MC2R: variants seen among roughly 807,000 people sequenced by gnomAD.
MC2R encodes adrenocorticotropic hormone receptor.
Under a neutral mutation model 9.8 loss-of-function variants are expected in MC2R, and 9 were observed. The observed-to-expected ratio is 0.92, with a 90% CI of 0.55 to 1.60. The LOEUF (loss-of-function observed/expected upper bound fraction) is 1.60. MC2R is among the 40% of genes most tolerant of loss of function. The pLI, the probability that MC2R is intolerant of heterozygous loss-of-function variation, is 0.00. For missense variants in MC2R, 370 were observed against 389.0 expected (o/e 0.95, Z 0.41); for synonymous variants, 185 against 154.7 (o/e 1.20, Z -1.45).
Position 13,883,128 on chromosome 18 carries a change from T to G in MC2R, c.*1497A>C, listed in dbSNP as rs2045243631. On this transcript the variant is annotated 3_prime_UTR_variant, in exon 2 of 2. Coordinates refer to ENST00000327606, the MANE Select transcript of MC2R (RefSeq NM_000529.2). ...GTGGCTGTCTTCTCCCCTCAGCAGC[T>G]CTGGGAAATTCTCCTGAGGGCAAAG... The G allele has an allele frequency of 1.3e-5, 2 of 152,282 alleles. No individual in the cohort carries two copies. Among genetic ancestry groups the G allele is most frequent in the Non-Finnish European group, 2.9e-5 (2 of 68,110 alleles). The allele number at this position is 152,282 out of a possible 1,614,324, so 9.4% of individuals were successfully genotyped here. A position where few individuals can be genotyped will look rare whatever the true frequency, so the allele number is the denominator to read the frequency against.
chr18:13,888,369 C>T (rs2045290395), intron 1 of MC2R, among the ~76,000 whole-genome samples: 1 of 152,206 alleles, frequency 6.6e-6, no homozygotes, highest in Non-Finnish European at 1.5e-5. Flanking sequence ...TGGCCCCATT[C>T]TTGGTTGAAG....
intron 1 of MC2R, among the ~76,000 whole-genome samples, chr18:13,899,441 A>G (rs2045365720): frequency 6.6e-6 from 1 of 152,218 alleles, no homozygotes; most frequent in African/African-American, 2.4e-5. Context: ...ATAAGGGTAG[A>G]AAATTTATTT....
chr18:13,887,902 C>T (rs2149135953), intron 1 of MC2R, among the ~76,000 whole-genome samples: 1 of 152,130 alleles, frequency 6.6e-6, no homozygotes, highest in East Asian at 1.9e-4. Context: ...GTGCCAATTC[C>T]TTATAGTAAA....
intron 1 of MC2R, among the ~76,000 whole-genome samples, chr18:13,892,423 C>A (rs895385087): frequency 6.6e-6 from 1 of 151,148 alleles, no homozygotes; most frequent in Non-Finnish European, 1.5e-5. Flanking sequence ...GAGGGCCTAC[C>A]CGTCCCTCCC....
intron 1 of MC2R, among the ~76,000 whole-genome samples, chr18:13,914,279 C>A (rs1053078082): frequency 1.3e-5 from 2 of 152,184 alleles, no homozygotes; most frequent in African/African-American, 4.8e-5. Flanking sequence ...CGTCTCCCTG[C>A]TCCCACAGCT....
intron 1 of MC2R, among the ~76,000 whole-genome samples, chr18:13,898,404 A>G (rs1166756865): frequency 6.6e-6 from 1 of 152,192 alleles, no homozygotes; most frequent in East Asian, 1.9e-4. Context: ...CTAGTCCCTG[A>G]CACCTGGATA....
rs890399119 is a variant in MC2R at position 13,895,781 on chromosome 18, T to C, written c.-128-10135A>G. On this transcript the variant is annotated intron_variant, in intron 1 of 1. Transcript: ENST00000327606. ...ATGTGGGACTGAAAGTGCAGGGGAC[T>C]AGGAGCTGAAATACCACTGGCACTA... 1.2e-4 allele frequency among the ~76,000 whole-genome samples: 19 copies of C among 152,206 alleles called. 1 individual carries two copies. In the South Asian group the frequency reaches 1.9e-3, roughly 15 times the overall value.
rs1218601824 is a variant in MC2R at position 13,882,572 on chromosome 18, G to C, written c.*2053C>G. The C allele has an allele frequency of 1.3e-5, 2 of 152,222 alleles. No homozygotes were observed. Among genetic ancestry groups the C allele is most frequent in the Non-Finnish European group, 2.9e-5 (2 of 68,042 alleles). 9.4% of individuals were successfully genotyped at this position (152,222 alleles called of 1,614,324 possible). On this transcript the variant is annotated 3_prime_UTR_variant, in exon 2 of 2. Coordinates refer to ENST00000327606, the MANE Select transcript of MC2R (RefSeq NM_000529.2). ...GTCACATGCACAGCAGAGAGCTTGA[G>C]AGTGATTAGGAGACAGCAAAGCTGT...
chr18:13,901,200 A>G (rs2045377917), intron 1 of MC2R, among the ~76,000 whole-genome samples: 1 of 152,138 alleles, frequency 6.6e-6, no homozygotes, highest in South Asian at 2.1e-4. Flanking sequence ...ACAAATGATA[A>G]TGCAAATACA....
At chr18:13,905,839 C>T (rs564894392) in intron 1 of MC2R, among the ~76,000 whole-genome samples, 178 of 151,982 alleles carry the variant, frequency 1.2e-3, no homozygotes, top group African/African-American at 4.0e-3. Flanking sequence ...GGGTGGATCA[C>T]GATGCCAAGA....
In MC2R at chr18:13,882,495, A is replaced by G. The variant is rs1276570961; in HGVS notation, c.*2130T>C. The G allele has an allele frequency of 3.3e-5, 5 of 152,222 alleles. No homozygotes were observed. The highest frequency in any genetic ancestry group is 7.3e-5 in the Non-Finnish European group (5 of 68,042). 9.4% of individuals were successfully genotyped at this position (152,222 alleles called of 1,614,324 possible). On this transcript the variant is annotated 3_prime_UTR_variant, in exon 2 of 2. Transcript: ENST00000327606. ...TTTGTTTCTTAGATTAACTGCAACA[A>G]ATCAAAGGCAGTGAGAGGTGAAGTT...
intron 1 of MC2R, among the ~76,000 whole-genome samples, chr18:13,908,985 C>T (rs2045429596): frequency 6.6e-6 from 1 of 152,118 alleles, no homozygotes; most frequent in South Asian, 2.1e-4. Flanking sequence ...CCAATATTGA[C>T]ACACTGTTAT....
chr18:13,897,123 G>C (rs1289804862), intron 1 of MC2R, among the ~76,000 whole-genome samples: 1 of 152,188 alleles, frequency 6.6e-6, no homozygotes, highest in Non-Finnish European at 1.5e-5. Context: ...TGAAGTGGTA[G>C]AGAAAACAGT....
intron 1 of MC2R, among the ~76,000 whole-genome samples, chr18:13,890,171 A>T (rs2045307456): frequency 6.6e-6 from 1 of 152,234 alleles, no homozygotes; most frequent in African/African-American, 2.4e-5. Context: ...TTTAGAGAAC[A>T]GCAAGACCTG....
At chr18:13,893,287 A>G (rs556546931) in intron 1 of MC2R, among the ~76,000 whole-genome samples, 16 of 152,322 alleles carry the variant, frequency 1.1e-4, no homozygotes, top group African/African-American at 3.4e-4. Context: ...GGGTGGCGAG[A>G]TGGCTAATAT....
Position 13,898,009 on chromosome 18 carries a change from G to C in MC2R, c.-128-12363C>G, listed in dbSNP as rs114913924. The stretch of plus-strand genomic sequence containing the variant: ...GAAAAGCTGAGGGAAAAGTACAGGG[G>C]ACTTTGTCTTGCACCTTAGGTACCA... On this transcript the variant is annotated intron_variant, in intron 1 of 1. Transcript: ENST00000327606. 6.4e-3 allele frequency among the ~76,000 whole-genome samples: 972 copies of C among 152,080 alleles called. 10 individuals carry two copies. The highest frequency in any genetic ancestry group is 0.022 in the African/African-American group (929 of 41,448).
Position 13,884,840 on chromosome 18 carries a change from C to A in MC2R, c.679G>T (p.Val227Phe), listed in dbSNP as rs769084510. The change falls in exon 2 of 2, where the codon GTC becomes TTC. Residue 227 changes from valine to phenylalanine, a missense_variant. Coordinates refer to ENST00000327606, the MANE Select transcript of MC2R (RefSeq NM_000529.2). ...GAITLTILLG[V>F]FIFCWAPFVL... ...AAGGGGGCCCAGCAGAAGATGAAGA[C>A]CCCGAGCAGGATGGTCAGTGTGATG... 6 of 1,613,976 alleles carry A rather than the reference C, an allele frequency of 3.7e-6. No individual in the cohort carries two copies. The highest frequency in any genetic ancestry group is 3.3e-5 in the South Asian group (3 of 91,076).
chr18:13,893,001 C>T (rs1197487230), intron 1 of MC2R, among the ~76,000 whole-genome samples: 1 of 152,208 alleles, frequency 6.6e-6, no homozygotes, highest in Non-Finnish European at 1.5e-5. Context: ...CCCAAATGAA[C>T]AATTTGCAAA....
intron 1 of MC2R, among the ~76,000 whole-genome samples, chr18:13,900,610 C>T (rs753984401): frequency 1.3e-5 from 2 of 152,034 alleles, no homozygotes; most frequent in East Asian, 1.9e-4. Flanking sequence ...ACTATACTTA[C>T]ATCAGACAAA....
Sources: gnomAD v4.1 joint callset for allele counts (sites outside exome capture counted in the v4.1 genomes callset) on GRCh38, gnomAD v4.1.1 for gene constraint, MANE v1.5 for transcripts, NCBI Gene and HGNC (gene_info 2026-07-23, HGNC 2026-07-21) for gene names.